Variants in SHANK2 observed in about 807,000 individuals in gnomAD.
SHANK2 encodes SH3 and multiple ankyrin repeat domains 2, also known as SH3 and multiple ankyrin repeat domains protein 2.
A neutral mutation model predicts 133.7 loss-of-function variants in SHANK2; 43 were observed. That is an observed-to-expected ratio of 0.32 (90% CI 0.25 to 0.41). The LOEUF is 0.41. Ranked by LOEUF, SHANK2 falls within the 10% of genes least tolerant of loss-of-function variation. SHANK2 has a pLI of 1.00. For synonymous variants in SHANK2, 1,017 were observed against 952.8 expected (o/e 1.07, Z -1.24); for missense variants, 1,994 against 2,235.8 (o/e 0.89, Z 2.18).
At chr11:70,704,731 T>C (rs1945620067) in intron 14 of SHANK2, among the ~76,000 whole-genome samples, 1 of 152,170 alleles carries the variant, frequency 6.6e-6, no homozygotes, top group South Asian at 2.1e-4. Context: ...GTTCAAGGTC[T>C]GGGGTCAGGG....
intron 10 of SHANK2, among the ~76,000 whole-genome samples, chr11:70,934,478 C>A (rs1950545180): frequency 6.6e-6 from 1 of 152,126 alleles, no homozygotes; most frequent in Non-Finnish European, 1.5e-5. Flanking sequence ...TTGGCTGTCC[C>A]CACCCTGCTA....
chr11:70,947,942 T>C (rs1259544982), intron 10 of SHANK2, among the ~76,000 whole-genome samples: 1 of 152,192 alleles, frequency 6.6e-6, no homozygotes, highest in East Asian at 1.9e-4. Context: ...TGGCCCTCTG[T>C]GGTCTCATTT....
At chr11:70,545,853 G>A (rs1424556684) in intron 17 of SHANK2, among the ~76,000 whole-genome samples, 3 of 152,172 alleles carry the variant, frequency 2.0e-5, no homozygotes, top group Admixed American at 1.3e-4. Flanking sequence ...CTTCTGCCTG[G>A]CTGACTACGA....
chr11:70,521,879 G>GT (rs1455112309), intron 17 of SHANK2, among the ~76,000 whole-genome samples: 1 of 152,244 alleles, frequency 6.6e-6, no homozygotes. Context: ...CTGCAAGGCT[G>GT]TTACGCGGCA....
chr11:71,123,544 G>C (rs547602658), intron 3 of SHANK2, among the ~76,000 whole-genome samples: 2 of 152,298 alleles, frequency 1.3e-5, no homozygotes, highest in African/African-American at 4.8e-5. Context: ...ACAGCGATGA[G>C]TCTAGCAGGT....
chr11:70,927,962 G>C (rs1950451546), intron 10 of SHANK2, among the ~76,000 whole-genome samples: 1 of 152,116 alleles, frequency 6.6e-6, no homozygotes, highest in Non-Finnish European at 1.5e-5. Context: ...AGCTTTCCCA[G>C]GTCTTTGGTT....
At chr11:71,076,107 C>T (rs1951214765) in intron 8 of SHANK2, among the ~76,000 whole-genome samples, 1 of 152,200 alleles carries the variant, frequency 6.6e-6, no homozygotes, top group East Asian at 1.9e-4. Context: ...ATGCCCCTCC[C>T]CACCCAAGCT....
chr11:71,067,711 C>T (rs1345731892), intron 9 of SHANK2, among the ~76,000 whole-genome samples: 1 of 152,156 alleles, frequency 6.6e-6, no homozygotes, highest in Admixed American at 6.5e-5. Context: ...TCATCACCAG[C>T]CTGCATCAGT....
chr11:70,534,108 T>C (rs527954394), intron 17 of SHANK2, among the ~76,000 whole-genome samples: 1 of 152,350 alleles, frequency 6.6e-6, no homozygotes, highest in African/African-American at 2.4e-5. Context: ...TGTATTAGTC[T>C]GTTTTCCTGC....
At chr11:71,249,918 A>C (rs1408350391) in intron 1 of SHANK2, among the ~76,000 whole-genome samples, 2 of 152,202 alleles carry the variant, frequency 1.3e-5, no homozygotes, top group South Asian at 4.1e-4. Context: ...CTCACATCTG[A>C]TATCACCTGG....
intron 14 of SHANK2, among the ~76,000 whole-genome samples, chr11:70,789,305 C>T (rs1309778740): frequency 6.6e-6 from 1 of 152,178 alleles, no homozygotes; most frequent in Non-Finnish European, 1.5e-5. Flanking sequence ...AGAAAAGACA[C>T]ACTGCAAACC....
intron 4 of SHANK2, among the ~76,000 whole-genome samples, chr11:71,114,664 G>A (rs114198144): frequency 0.011 from 1,623 of 152,240 alleles, 30 homozygotes; most frequent in African/African-American, 0.037. Flanking sequence ...GCAGGCAGGA[G>A]GAGCTACAGG....
At chr11:71,154,089 T>C (rs1422822703) in intron 2 of SHANK2, among the ~76,000 whole-genome samples, 1 of 152,242 alleles carries the variant, frequency 6.6e-6, no homozygotes, top group Non-Finnish European at 1.5e-5. Context: ...AGACACCCTG[T>C]ATGTGAATCA....
intron 15 of SHANK2, among the ~76,000 whole-genome samples, chr11:70,663,132 A>AACCC (rs1944606222): frequency 6.6e-6 from 1 of 152,126 alleles, no homozygotes; most frequent in Non-Finnish European, 1.5e-5. Context: ...GGTCATGAGG[A>AACCC]ACCCACCAGG....
chr11:70,544,054 C>T (rs1243403977), intron 17 of SHANK2, among the ~76,000 whole-genome samples: 4 of 152,172 alleles, frequency 2.6e-5, no homozygotes, highest in Admixed American at 6.6e-5. Context: ...TTGGCCTCAA[C>T]GAGAGGCTGT....
chr11:70,618,520 C>A (rs2060787391), intron 17 of SHANK2, among the ~76,000 whole-genome samples: 1 of 152,186 alleles, frequency 6.6e-6, no homozygotes, highest in Non-Finnish European at 1.5e-5. Flanking sequence ...CCTGGCTCTG[C>A]CCACAGCCAG....
At chr11:71,139,673 C>A (rs1396620664) in intron 3 of SHANK2, among the ~76,000 whole-genome samples, 8 of 152,196 alleles carry the variant, frequency 5.3e-5, no homozygotes, top group Admixed American at 1.3e-4. Flanking sequence ...ATGTCCAGAG[C>A]CAGCACTCCA....
chr11:71,112,489 G>C (rs1166941584), intron 5 of SHANK2, among the ~76,000 whole-genome samples: 1 of 152,190 alleles, frequency 6.6e-6, no homozygotes. Flanking sequence ...AAAGCCATTG[G>C]TGAGCTCGCA....
chr11:70,798,662 T>G, intron 13 of SHANK2, 106 bp from the exon 14 acceptor site: 6 of 661,440 alleles, frequency 9.1e-6, no homozygotes, highest in Non-Finnish European at 2.8e-6. Context: ...AGCGCACCCC[T>G]GGCCAGGCCT....
Sources: gnomAD v4.1 joint callset for allele counts (sites outside exome capture counted in the v4.1 genomes callset) on GRCh38, gnomAD v4.1.1 for gene constraint, MANE v1.5 for transcripts, NCBI Gene and HGNC (gene_info 2026-07-23, HGNC 2026-07-21) for gene names.